The following CTNND2 variants were observed in gnomAD, a reference collection of about 807,000 sequenced individuals.
CTNND2 encodes catenin delta 2, also known as catenin delta-2.
CTNND2 carries 22 observed loss-of-function variants against 144.4 expected under a neutral mutation model. The ratio of observed to expected loss-of-function variants is 0.15; its 90% CI spans 0.11 to 0.22. The LOEUF (loss-of-function observed/expected upper bound fraction) is 0.22, where lower values mean the gene tolerates loss of function less well. Ranked by LOEUF, CTNND2 falls within the 10% of genes least tolerant of loss-of-function variation. CTNND2 has a pLI of 1.00. For synonymous variants in CTNND2, 751 were observed against 695.6 expected, an observed-to-expected ratio of 1.08 and a Z score of -1.25; for missense variants, 1,353 against 1,618.8, an observed-to-expected ratio of 0.84 and a Z score of 2.82.
In CTNND2 at chr5:11,411,543, T is replaced by C. The variant is rs1561353509; in HGVS notation, c.432A>G (p.Thr144=). 2 of 1,571,532 alleles carry C rather than the reference T, an allele frequency of 1.3e-6. No homozygotes were observed. The highest frequency in any genetic ancestry group is 2.2e-5 in the South Asian group (2 of 88,952). Residue 144 remains threonine, a synonymous_variant, in exon 5 of 22, where the codon ACA becomes ACG. Transcript: ENST00000304623. ...SGILDPQDYS[T]GERPSLLSQS... is the part of the protein sequence containing the mutation. ...AACTGCCACGTGACTTACTTTCACC[T>C]GTAGAATAATCCTGTGGGTCAAGTA...
chr5:11,614,351 C>T lies in CTNND2; in HGVS notation c.175-49295G>A, dbSNP rs1209222963. Among the ~76,000 whole-genome samples the T allele has an allele frequency of 2.6e-5, 4 of 152,122 alleles. No homozygotes were observed. In the East Asian group the frequency reaches 7.7e-4, roughly 29 times the overall value. On this transcript the variant is annotated intron_variant, in intron 2 of 21. Transcript: ENST00000304623. ...TAAGTCTGAAGAAACAAGATTTCTG[C>T]CTCCCCTTTTCCCACCTGATGTATT...
At chr5:11,306,256 G>A (rs1013175891) in intron 9 of CTNND2, among the ~76,000 whole-genome samples, 1 of 152,226 alleles carries the variant, frequency 6.6e-6, no homozygotes, top group African/African-American at 2.4e-5. Context: ...GGTGCAGGCT[G>A]AAGATAAACA....
chr5:11,540,622 G>C (rs1295124877), intron 3 of CTNND2, among the ~76,000 whole-genome samples: 1 of 152,066 alleles, frequency 6.6e-6, no homozygotes, highest in African/African-American at 2.4e-5. Flanking sequence ...GTTCAAGCCG[G>C]GCTCAGCCTC....
rs140702980 is a variant in CTNND2, at chr5:11,346,557, G to T, written c.1443C>A (p.Ala481=). 1 of 1,603,296 alleles carries T rather than the reference G, an allele frequency of 6.2e-7. No individual in the cohort carries two copies. Residue 481 remains alanine (A), a synonymous_variant, in exon 9 of 22, where the codon GCC becomes GCA. Coordinates refer to ENST00000304623, the MANE Select transcript of CTNND2 (RefSeq NM_001332.4). ...RTGSQHGPQN[A]AAATFQRASY... Reference sequence around the variant, plus strand: ...TGGCCCTCTGGAAGGTGGCCGCGGCGGCATTCTGTGGGCCGTGCTGGCTGC... The same window carrying T: ...TGGCCCTCTGGAAGGTGGCCGCGGCTGCATTCTGTGGGCCGTGCTGGCTGC...
intron 11 of CTNND2, among the ~76,000 whole-genome samples, chr5:11,168,506 C>T (rs1454837457): frequency 6.6e-6 from 1 of 152,124 alleles, no homozygotes; most frequent in East Asian, 1.9e-4. Flanking sequence ...GTTAGGAATA[C>T]AAAATTAGGC....
intron 2 of CTNND2, among the ~76,000 whole-genome samples, chr5:11,593,710 T>C (rs1779370044): frequency 6.6e-6 from 1 of 152,222 alleles, no homozygotes; most frequent in African/African-American, 2.4e-5. Flanking sequence ...TCCATCATGA[T>C]TGTGAGGCCT....
chr5:11,234,387 C>A (rs904161196), intron 10 of CTNND2, among the ~76,000 whole-genome samples: 2 of 152,316 alleles, frequency 1.3e-5, no homozygotes, highest in Admixed American at 1.3e-4. Context: ...TTAATTCTTG[C>A]AAAGATTCTA....
At chr5:11,257,533 C>G (rs1744391494) in intron 9 of CTNND2, among the ~76,000 whole-genome samples, 1 of 152,180 alleles carries the variant, frequency 6.6e-6, no homozygotes, top group Non-Finnish European at 1.5e-5. Flanking sequence ...TAAGTGCCAG[C>G]AGGAGAAATG....
intron 9 of CTNND2, among the ~76,000 whole-genome samples, chr5:11,304,070 C>T (rs781074390): frequency 6.6e-5 from 10 of 152,102 alleles, no homozygotes; most frequent in Non-Finnish European, 1.3e-4. Flanking sequence ...TCCCCAGCCA[C>T]GTGGAACTGT....
chr5:11,064,512 G>A (rs1344817954), intron 16 of CTNND2, among the ~76,000 whole-genome samples: 2 of 151,900 alleles, frequency 1.3e-5, no homozygotes, highest in Non-Finnish European at 2.9e-5. Context: ...ATGTGCCTTC[G>A]AGATAGAGAA....
intron 3 of CTNND2, among the ~76,000 whole-genome samples, chr5:11,532,734 GA>G (rs1773857542): frequency 6.6e-6 from 1 of 152,120 alleles, no homozygotes; most frequent in Non-Finnish European, 1.5e-5. Context: ...GGGCCTTAAA[GA>G]AAAAGGACAT....
chr5:11,395,217 T>C (rs1759978435), intron 6 of CTNND2, among the ~76,000 whole-genome samples: 1 of 152,238 alleles, frequency 6.6e-6, no homozygotes, highest in South Asian at 2.1e-4. Context: ...TGAACGTTTC[T>C]CTGACATTAC....
At chr5:11,137,314 T>G (rs143071715) in intron 12 of CTNND2, among the ~76,000 whole-genome samples, 66 of 152,334 alleles carry the variant, frequency 4.3e-4, no homozygotes, top group African/African-American at 1.5e-3. Flanking sequence ...TTAATTTTCC[T>G]ATTCAGAGTC....
intron 18 of CTNND2, among the ~76,000 whole-genome samples, chr5:10,996,683 C>T (rs1376259127): frequency 1.3e-5 from 2 of 152,128 alleles, no homozygotes; most frequent in African/African-American, 4.8e-5. Context: ...GCTGCAAACT[C>T]CACCTCCTGG....
At chr5:11,488,325 C>A (rs1769039668) in intron 3 of CTNND2, among the ~76,000 whole-genome samples, 1 of 152,040 alleles carries the variant, frequency 6.6e-6, no homozygotes, top group South Asian at 2.1e-4. Context: ...AATTGTTGAG[C>A]CAGGGGCCAC....
Position 11,836,582 on chromosome 5 carries a change from C to A in CTNND2, c.37+67235G>T, listed in dbSNP as rs1442729950. ...TTAGCCAAACAGACAATTTAAAGTT[C>A]AAGCAAAGAAATGAAGTACCCATAA... On this transcript the variant is annotated intron_variant, in intron 1 of 21. Transcript: ENST00000304623. 4.7e-5 allele frequency among the ~76,000 whole-genome samples: 7 copies of A among 150,178 alleles called. No homozygotes were observed. The Middle Eastern group carries it at 0.017, about 367-fold the overall frequency.
At chr5:11,712,842 T>A (rs1230731014) in intron 2 of CTNND2, among the ~76,000 whole-genome samples, 1 of 152,184 alleles carries the variant, frequency 6.6e-6, no homozygotes, top group East Asian at 1.9e-4. Flanking sequence ...TTGGAGAAGA[T>A]AAGTTTTTAC....
At chr5:11,409,994 C>T (rs931722323) in intron 5 of CTNND2, among the ~76,000 whole-genome samples, 4 of 151,946 alleles carry the variant, frequency 2.6e-5, no homozygotes, top group Admixed American at 1.3e-4. Flanking sequence ...CTCCTAAACT[C>T]GTTATCAAAT....
intron 3 of CTNND2, among the ~76,000 whole-genome samples, chr5:11,426,175 C>A (rs1762756771): frequency 6.6e-6 from 1 of 152,150 alleles, no homozygotes; most frequent in Non-Finnish European, 1.5e-5. Context: ...CTGTTGTAGC[C>A]CCCCTTGAAA....
Sources: allele counts gnomAD v4.1 joint callset (sites outside exome capture counted in the v4.1 genomes callset), GRCh38; gene constraint gnomAD v4.1.1; transcripts MANE v1.5; gene names NCBI Gene and HGNC (gene_info 2026-07-23, HGNC 2026-07-21).